The following MTMR3 variants were observed in gnomAD, a reference collection of about 807,000 sequenced individuals.
The protein encoded by MTMR3 is myotubularin related protein 3, also known as phosphatidylinositol-3,5-bisphosphate 3-phosphatase MTMR3.
MTMR3 carries 32 observed loss-of-function variants against 132.4 expected under a neutral mutation model. The ratio of observed to expected loss-of-function variants is 0.24; its 90% CI spans 0.18 to 0.32. MTMR3 has a LOEUF of 0.32. Ranked by LOEUF, MTMR3 falls within the 10% of genes least tolerant of loss-of-function variation. The pLI is 1.00. For synonymous variants in MTMR3, 556 were observed against 550.3 expected (o/e 1.01, Z -0.14); for missense variants, 1,216 against 1,489.6 (o/e 0.82, Z 3.02).
At position 29,906,270 on chromosome 22, in the gene MTMR3, GTCTGTCTGTCTGTCTGTCTA is replaced by G. The variant is rs1205088439; in HGVS notation, c.-138+22915_-138+22934del. ...CGTCTGTCTGTCTGTCTGTCTGTCTGTCTGTCTGTCTGTCTGTCTATCTATCTATCTATCTATCTATCTAT... is the reference window on the plus strand; with the variant it reads ...CGTCTGTCTGTCTGTCTGTCTGTCTGTCTATCTATCTATCTATCTATCTAT... On this transcript the variant is annotated intron_variant, in intron 1 of 19. Coordinates refer to ENST00000401950, the MANE Select transcript of MTMR3 (RefSeq NM_021090.4). Among the ~76,000 whole-genome samples, 518 of 104,222 alleles carry G rather than the reference GTCTGTCTGTCTGTCTGTCTA, an allele frequency of 5.0e-3. 1 individual carries two copies. The highest frequency in any genetic ancestry group is 0.013 in the African/African-American group (271 of 21,264). 68.4% of individuals were successfully genotyped at this position (104,222 alleles called of 152,430 possible).
At chr22:29,933,901 C>T (rs1874459061) in intron 1 of MTMR3, among the ~76,000 whole-genome samples, 1 of 152,028 alleles carries the variant, frequency 6.6e-6, no homozygotes, top group African/African-American at 2.4e-5. Flanking sequence ...TGCTTTCTTA[C>T]CACCTCTCAA....
chr22:29,960,471 C>T (rs183874589), intron 2 of MTMR3, among the ~76,000 whole-genome samples: 400 of 152,056 alleles, frequency 2.6e-3, no homozygotes, highest in African/African-American at 9.3e-3. Context: ...TGCATATGCG[C>T]GAACAAAAAA....
intron 14 of MTMR3, chr22:30,016,102 A>C (rs1743211894): frequency 5.4e-6 from 1 of 185,920 alleles, no homozygotes; most frequent in Non-Finnish European, 1.1e-5. Context: ...TTTGCTGGTC[A>C]TTGCTACATG....
At position 29,935,988 on chromosome 22, in the gene MTMR3, A is replaced by G. The variant is rs528120443; in HGVS notation, c.-137-21048A>G. On this transcript the variant is annotated intron_variant, in intron 1 of 19. Coordinates refer to ENST00000401950, the MANE Select transcript of MTMR3 (RefSeq NM_021090.4). ...AGGGTGGTCTGGATCTCCTGACCTC[A>G]TGATCCGCCCTCTTTGGCCTCCCAA... Among the ~76,000 whole-genome samples the G allele has an allele frequency of 4.6e-3, 697 of 151,186 alleles. 6 individuals are homozygous for G. Among genetic ancestry groups the G allele is most frequent in the African/African-American group, 0.016 (657 of 41,162 alleles).
chr22:29,931,774 A>G lies in MTMR3; in HGVS notation c.-137-25262A>G, dbSNP rs2065650724. On this transcript the variant is annotated intron_variant, in intron 1 of 19. Coordinates refer to ENST00000401950, the MANE Select transcript of MTMR3 (RefSeq NM_021090.4). ...CCGTAGTCCTCCTAGAAGGGGAGAGAGAATCCTTTTTTTTTTTTTTTTTAA... is the reference window on the plus strand; with the variant it reads ...CCGTAGTCCTCCTAGAAGGGGAGAGGGAATCCTTTTTTTTTTTTTTTTTAA... 2.4e-5 allele frequency among the ~76,000 whole-genome samples: 3 copies of G among 126,282 alleles called. No homozygotes were observed. In the South Asian group the frequency reaches 8.3e-4, roughly 35 times the overall value. The allele number at this position is 126,282 out of a possible 152,430, so 82.8% of individuals were successfully genotyped here.
rs543654311 is a variant in MTMR3, at chr22:29,922,792, A to C, written c.-137-34244A>C. Among the ~76,000 whole-genome samples the C allele has an allele frequency of 4.5e-3, 683 of 152,006 alleles. 6 individuals are homozygous for C. The highest frequency in any genetic ancestry group is 0.016 in the African/African-American group (645 of 41,448). On this transcript the variant is annotated intron_variant, in intron 1 of 19. Transcript: ENST00000401950. ...CCAGCAATGCACAAGGATCCACACA[A>C]CCCAGCCAGCACTTAAAAAAAATTT...
At chr22:29,925,539 C>T (rs975690251) in intron 1 of MTMR3, among the ~76,000 whole-genome samples, 2 of 149,166 alleles carry the variant, frequency 1.3e-5, no homozygotes. Context: ...ATAATACCTA[C>T]CTTTTTATTT....
At chr22:30,023,656 G>A (rs778784482) in intron 19 of MTMR3, 15 of 737,334 alleles carry the variant, frequency 2.0e-5, no homozygotes, top group South Asian at 6.6e-5. Flanking sequence ...AGAGGCCATC[G>A]AGGGTGGGTC....
At chr22:29,967,652 T>C (rs1028405974) in intron 2 of MTMR3, among the ~76,000 whole-genome samples, 1 of 152,022 alleles carries the variant, frequency 6.6e-6, no homozygotes, top group African/African-American at 2.4e-5. Context: ...ATTACCTAAT[T>C]CCAAACATTT....
In MTMR3 at chr22:30,025,966, TTCCTG is replaced by T; in HGVS notation, c.*169_*173del. On this transcript the variant is annotated 3_prime_UTR_variant, in exon 20 of 20. Transcript: ENST00000401950. ...CACTGGATTGTAGATTGATTTTTCTTTCCTGTCCCCCTACTCCCTCCCTACCTTTT... is the reference window on the plus strand; with the variant it reads ...CACTGGATTGTAGATTGATTTTTCTTTCCCCCTACTCCCTCCCTACCTTTT... The T allele has an allele frequency of 1.6e-6, 1 of 633,906 alleles. No homozygotes were observed. The allele number at this position is 633,906 out of a possible 1,614,324, so 39.3% of individuals were successfully genotyped here.
chr22:29,904,199 A>G lies in MTMR3; in HGVS notation c.-138+20840A>G, dbSNP rs192584281. On this transcript the variant is annotated intron_variant, in intron 1 of 19. Coordinates refer to ENST00000401950, the MANE Select transcript of MTMR3 (RefSeq NM_021090.4). ...GGAGGTAGCAACTGTGGGATTAGTA[A>G]TACAAATACAATTTTAATTAGCTTT... Among the ~76,000 whole-genome samples, 683 of 152,360 alleles carry G rather than the reference A, an allele frequency of 4.5e-3. 6 individuals carry two copies. The highest frequency in any genetic ancestry group is 0.016 in the African/African-American group (645 of 41,574).
chr22:30,006,829 G>A (rs1164026456), intron 9 of MTMR3: 23 of 360,082 alleles, frequency 6.4e-5, no homozygotes, highest in Non-Finnish European at 6.3e-5. Context: ...TCAAAGTGCT[G>A]GGATTGCAGA....
intron 7 of MTMR3, 164 bp downstream of exon 7, chr22:29,991,834 C>A: frequency 3.1e-6 from 2 of 641,362 alleles, no homozygotes; most frequent in South Asian, 3.3e-5. Context: ...AATAGAACAT[C>A]TTTTCTGCCT....
At chr22:29,908,605 G>T (rs1275300352) in intron 1 of MTMR3, among the ~76,000 whole-genome samples, 1 of 152,106 alleles carries the variant, frequency 6.6e-6, no homozygotes, top group East Asian at 1.9e-4. Context: ...ATTGATTGTT[G>T]GCCCTTTGCG....
At chr22:29,946,626 A>G (rs2065958809) in intron 1 of MTMR3, among the ~76,000 whole-genome samples, 2 of 152,200 alleles carry the variant, frequency 1.3e-5, no homozygotes, top group Admixed American at 1.3e-4. Context: ...TTGTATTAGT[A>G]TTAGGGCAAT....
chr22:30,007,485 A>T, intron 10 of MTMR3, 166 bp downstream of exon 10: 3 of 693,186 alleles, frequency 4.3e-6, no homozygotes, highest in Non-Finnish European at 7.2e-6. Context: ...GCAGAGAATC[A>T]GAAGACCCTT....
intron 18 of MTMR3, 42 bp downstream of exon 18, chr22:30,022,181 GT>G: frequency 6.6e-7 from 1 of 1,504,616 alleles, no homozygotes; most frequent in Non-Finnish European, 9.2e-7. Context: ...CAATTTAACT[GT>G]TTTGTGGTTC....
In MTMR3 at chr22:30,029,527, A is replaced by G. The variant is rs1287989049; in HGVS notation, c.*3726A>G. 1 of 152,378 alleles carries G rather than the reference A, an allele frequency of 6.6e-6. No homozygotes were observed. Among genetic ancestry groups the G allele is most frequent in the Non-Finnish European group, 1.5e-5 (1 of 68,054 alleles). 9.4% of individuals were successfully genotyped at this position (152,378 alleles called of 1,614,324 possible). ...TCTCTGGCTATTAAAAAACATCAAG[A>G]TGAGAATTAAAGGCATATCCTGATA... On this transcript the variant is annotated 3_prime_UTR_variant, in exon 20 of 20. Coordinates refer to ENST00000401950, the MANE Select transcript of MTMR3 (RefSeq NM_021090.4).
chr22:29,893,185 C>T (rs1160893743), intron 1 of MTMR3, among the ~76,000 whole-genome samples: 2 of 152,092 alleles, frequency 1.3e-5, no homozygotes, highest in Non-Finnish European at 2.9e-5. Flanking sequence ...GTATATTTTC[C>T]GTAGTGAGAT....
Sources: gnomAD v4.1 joint callset for allele counts (sites outside exome capture counted in the v4.1 genomes callset) on GRCh38, gnomAD v4.1.1 for gene constraint, MANE v1.5 for transcripts, NCBI Gene and HGNC (gene_info 2026-07-23, HGNC 2026-07-21) for gene names.